Variants in JMJD1C observed in about 807,000 individuals in gnomAD.
The protein encoded by JMJD1C is jumonji domain-containing protein 1C.
JMJD1C carries 31 observed loss-of-function variants against 245.3 expected under a neutral mutation model. The ratio of observed to expected loss-of-function variants is 0.13; its 90% CI spans 0.09 to 0.17. The LOEUF (loss-of-function observed/expected upper bound fraction) is 0.17. JMJD1C is among the 10% of genes least tolerant of loss of function. The pLI, the probability that JMJD1C is intolerant of heterozygous loss-of-function variation, is 1.00. For synonymous variants in JMJD1C, 1,057 were observed against 1,017.4 expected, an observed-to-expected ratio of 1.04 and a Z score of -0.74; for missense variants, 2,691 against 3,000.2, an observed-to-expected ratio of 0.90 and a Z score of 2.41.
rs775781294 is a variant in JMJD1C, at chr10:63,206,869, A to T, written c.4800T>A (p.Ser1600Arg). The change falls in exon 10 of 26, where the codon AGT becomes AGA. Residue 1600 changes from serine to arginine, a missense_variant. Physicochemically the swap from Ser to Arg is moderately radical, Grantham distance 110. This residue lies in a region of JMJD1C where 144 missense variants were observed against 143.3 expected (regional missense o/e 1.00). Transcript: ENST00000399262. ...TTACATATTTATCAACTATGATCTT[A>T]CTATCTACACTATTTTGTATATCAC... ...TSSDIQNSVDSKIIVDKYVKD... is the reference protein window; with the variant it reads ...TSSDIQNSVDRKIIVDKYVKD... 1 of 1,606,694 alleles carries T rather than the reference A, an allele frequency of 6.2e-7. No homozygotes were observed. Among genetic ancestry groups the T allele is most frequent in the East Asian group, 2.2e-5 (1 of 44,830 alleles).
rs541705550 is a variant in JMJD1C, at chr10:63,444,721, G to A, written c.168+20774C>T. Among the ~76,000 whole-genome samples the A allele has an allele frequency of 5.3e-5, 8 of 150,670 alleles. No individual in the cohort carries two copies. The South Asian group carries it at 1.3e-3, about 24-fold the overall frequency. ...GCTCACTGCAACCTCCGCCTCCTGA[G>A]TTCAAGTGATTCTCCTGCCTCAGCC... is the stretch of plus-strand genomic sequence containing the variant. On this transcript the variant is annotated intron_variant, in intron 1 of 25. Coordinates refer to ENST00000399262, the MANE Select transcript of JMJD1C (RefSeq NM_032776.3).
intron 3 of JMJD1C, among the ~76,000 whole-genome samples, chr10:63,241,541 A>G (rs1851484692): frequency 6.6e-6 from 1 of 152,218 alleles, no homozygotes; most frequent in Admixed American, 6.5e-5. Flanking sequence ...AATAAAAAAT[A>G]AAGTCTTTAT....
chr10:63,369,146 T>G (rs1946094056), intron 2 of JMJD1C, among the ~76,000 whole-genome samples: 1 of 150,726 alleles, frequency 6.6e-6, no homozygotes, highest in Non-Finnish European at 1.5e-5. Flanking sequence ...TCTTTCTCTT[T>G]CTCTCTCTCT....
intron 1 of JMJD1C, among the ~76,000 whole-genome samples, chr10:63,497,473 C>A (rs982014228): frequency 2.6e-5 from 4 of 152,094 alleles, no homozygotes; most frequent in Admixed American, 2.6e-4. Flanking sequence ...AGGATATTAG[C>A]GTTTGCCTCA....
intron 3 of JMJD1C, among the ~76,000 whole-genome samples, chr10:63,230,995 T>G (rs947650445): frequency 6.6e-6 from 1 of 152,202 alleles, no homozygotes; most frequent in Non-Finnish European, 1.5e-5. Flanking sequence ...ACCAGATTTA[T>G]CATCATTGTT....
chr10:63,302,735 C>T (rs1055287222), intron 2 of JMJD1C, among the ~76,000 whole-genome samples: 10 of 152,178 alleles, frequency 6.6e-5, no homozygotes, highest in Non-Finnish European at 2.9e-5. Context: ...AGCTCTAGCA[C>T]AAGCTGGACT....
intron 2 of JMJD1C, among the ~76,000 whole-genome samples, chr10:63,369,576 T>C (rs1359045155): frequency 6.6e-6 from 1 of 152,202 alleles, no homozygotes; most frequent in East Asian, 1.9e-4. Flanking sequence ...ATAAATTAGA[T>C]TGACTGTTTA....
intron 1 of JMJD1C, among the ~76,000 whole-genome samples, chr10:63,513,473 A>G (rs755153346): frequency 2.0e-5 from 3 of 152,228 alleles, no homozygotes; most frequent in Non-Finnish European, 4.4e-5. Context: ...ATCTAATTAA[A>G]CTAAAGAGCT....
chr10:63,365,404 C>T (rs1311640625), intron 2 of JMJD1C, among the ~76,000 whole-genome samples: 1 of 152,118 alleles, frequency 6.6e-6, no homozygotes, highest in Non-Finnish European at 1.5e-5. Context: ...AGGTTGTTTT[C>T]CTTTTAAGAC....
rs530190046 is a variant in JMJD1C, at chr10:63,204,213, T to C, written c.5074+2382A>G. Reference sequence around the variant, plus strand: ...TCCACAATTAATAGATGACATCTAATATTGACTTAATATTACTTTGGACTT... The same window carrying C: ...TCCACAATTAATAGATGACATCTAACATTGACTTAATATTACTTTGGACTT... On this transcript the variant is annotated intron_variant, in intron 10 of 25. Transcript: ENST00000399262. 5.3e-5 allele frequency: 52 copies of C among 985,378 alleles called. No individual in the cohort carries two copies. In the African/African-American group the frequency reaches 8.2e-4, roughly 16 times the overall value. The allele number at this position is 985,378 out of a possible 1,614,324, so 61.0% of individuals were successfully genotyped here. A position where few individuals can be genotyped will look rare whatever the true frequency, so the allele number is the denominator to read the frequency against.
chr10:63,465,513 G>A lies in JMJD1C; in HGVS notation c.150C>T (p.Ser50=). The change falls in exon 1 of 26, where the codon AGC becomes AGT. Residue 50 remains serine (S), a synonymous_variant. Coordinates refer to ENST00000399262, the MANE Select transcript of JMJD1C (RefSeq NM_032776.3). The part of the protein sequence containing the change: ...GVIRAVSHRD[S]RNPDLAVYVE... ...CTCTTACCGCCAGGTCCGGATTGCG[G>A]CTGTCCCTGTGTGACACGGCTCGGA... The A allele has an allele frequency of 6.2e-7, 1 of 1,604,652 alleles. No homozygotes were observed. The highest frequency in any genetic ancestry group is 8.5e-7 in the Non-Finnish European group (1 of 1,177,944).
Position 63,340,958 on chromosome 10 carries a change from G to A in JMJD1C, c.333+39360C>T, listed in dbSNP as rs554423931. On this transcript the variant is annotated intron_variant, in intron 2 of 25. Coordinates refer to ENST00000399262, the MANE Select transcript of JMJD1C (RefSeq NM_032776.3). ...AAGACTCCATCTTAAAAAAAAAGTA[G>A]AAGAAACAAAAGACAGTTAGTTACA... 2.0e-5 allele frequency among the ~76,000 whole-genome samples: 3 copies of A among 151,966 alleles called. No homozygotes were observed. In the South Asian group the frequency reaches 6.2e-4, roughly 32 times the overall value.
chr10:63,386,145 G>A (rs1468396069), intron 1 of JMJD1C, among the ~76,000 whole-genome samples: 2 of 151,972 alleles, frequency 1.3e-5, no homozygotes, highest in Non-Finnish European at 2.9e-5. Context: ...CAAATCAACA[G>A]CCCTGAAGGA....
chr10:63,229,229 C>T (rs1849675933), intron 3 of JMJD1C, among the ~76,000 whole-genome samples: 1 of 151,970 alleles, frequency 6.6e-6, no homozygotes, highest in Non-Finnish European at 1.5e-5. Context: ...GTAATTAAGT[C>T]TCCGTATACA....
rs1471353396 is a variant in JMJD1C, at chr10:63,188,949, TCAA to T, written c.6570+216_6570+218del. ...TAGATCAAAAAGTAACATAAAATAA[TCAA>T]CGTTTCCCTATTAATTCATATTAAA... On this transcript the variant is annotated intron_variant, in intron 18 of 25. Transcript: ENST00000399262. Among the ~76,000 whole-genome samples, 5 of 152,308 alleles carry T rather than the reference TCAA, an allele frequency of 3.3e-5. No individual in the cohort carries two copies. The South Asian group carries it at 6.2e-4, about 19-fold the overall frequency.
chr10:63,338,583 A>G (rs1943065328), intron 2 of JMJD1C, among the ~76,000 whole-genome samples: 1 of 151,568 alleles, frequency 6.6e-6, no homozygotes, highest in Non-Finnish European at 1.5e-5. Context: ...CACATGCTAC[A>G]TTAGCCACTA....
At chr10:63,239,062 T>C (rs1288061423) in intron 3 of JMJD1C, among the ~76,000 whole-genome samples, 3 of 152,184 alleles carry the variant, frequency 2.0e-5, no homozygotes, top group Non-Finnish European at 4.4e-5. Context: ...GAAGGAAATA[T>C]TTGAGTTGAG....
In JMJD1C at chr10:63,249,592, G is replaced by A. The variant is rs574721680; in HGVS notation, c.447+15059C>T. On this transcript the variant is annotated intron_variant, in intron 3 of 25. Coordinates refer to ENST00000399262, the MANE Select transcript of JMJD1C (RefSeq NM_032776.3). The stretch of plus-strand genomic sequence containing the variant: ...AGATAAATATTGGGCCGGGCACAGT[G>A]GATCATGCCTGTAATCCCAGCACTT... 4.6e-5 allele frequency among the ~76,000 whole-genome samples: 7 copies of A among 152,246 alleles called. No homozygotes were observed. In the East Asian group the frequency reaches 1.4e-3, roughly 29 times the overall value.
chr10:63,182,368 A>G (rs1461339733), intron 22 of JMJD1C, among the ~76,000 whole-genome samples: 1 of 152,270 alleles, frequency 6.6e-6, no homozygotes, highest in Non-Finnish European at 1.5e-5. Context: ...TAAACGAACC[A>G]GAAAGATACA....
Sources: gnomAD v4.1 joint callset for allele counts (sites outside exome capture counted in the v4.1 genomes callset) on GRCh38, gnomAD v4.1.1 for gene constraint, gnomAD v4.1.1 regional missense constraint, MANE v1.5 for transcripts, NCBI Gene and HGNC (gene_info 2026-07-23, HGNC 2026-07-21) for gene names.